Variants in AQP9 observed in about 807,000 individuals in gnomAD.
AQP9 encodes aquaporin 9.
A neutral mutation model predicts 23.8 loss-of-function variants in AQP9; 19 were observed. The observed-to-expected ratio is 0.80, with a 90% confidence interval of 0.56 to 1.17. AQP9 has a LOEUF of 1.17. AQP9 is among the 50% of genes most tolerant of loss of function. The pLI, the probability that AQP9 is intolerant of heterozygous loss-of-function variation, is 0.00. For missense variants in AQP9, 413 were observed against 362.0 expected (o/e 1.14, Z -1.14); for synonymous variants, 153 against 131.5 (o/e 1.16, Z -1.12).
rs149484555 is a variant in AQP9, at chr15:58,163,608, C to G, written c.112-3065C>G. 3.2e-3 allele frequency among the ~76,000 whole-genome samples: 492 copies of G among 152,174 alleles called. 9 individuals are homozygous for G. The highest frequency in any genetic ancestry group is 0.011 in the African/African-American group (461 of 41,522). ...TGTTGAGAAGAATCTGAATGGACGA[C>G]AGACCTAAAAATGCTTTCTAGATAG... is the stretch of plus-strand genomic sequence containing the variant. On this transcript the variant is annotated intron_variant, in intron 1 of 5. Transcript: ENST00000219919.
chr15:58,162,224 G>T (rs747140548), intron 1 of AQP9, among the ~76,000 whole-genome samples: 1 of 152,196 alleles, frequency 6.6e-6, no homozygotes, highest in Non-Finnish European at 1.5e-5. Flanking sequence ...GCTTACCCAA[G>T]TGAGACTCAC....
At chr15:58,152,716 T>C (rs1898174420) in intron 1 of AQP9, 1 of 152,138 alleles carries the variant, frequency 6.6e-6, no homozygotes. Context: ...TACGTAAAAA[T>C]ATCTATTGCA....
In AQP9 at chr15:58,185,014, T is replaced by G. The variant is rs972705998; in HGVS notation, c.*879T>G. 7 of 152,214 alleles carry G rather than the reference T, an allele frequency of 4.6e-5. No homozygotes were observed. Among genetic ancestry groups the G allele is most frequent in the African/African-American group, 1.7e-4 (7 of 41,460 alleles). The allele number at this position is 152,214 out of a possible 1,614,324, so 9.4% of individuals were successfully genotyped here. A position where few individuals can be genotyped will look rare whatever the true frequency, so the allele number is the denominator to read the frequency against. On this transcript the variant is annotated 3_prime_UTR_variant, in exon 6 of 6. Coordinates refer to ENST00000219919, the MANE Select transcript of AQP9 (RefSeq NM_020980.5). ...CTGTGCTTGTCCATTATTTTACACATGCCCTAGAAGCCAAAACTGAAAGCC... is the reference window on the plus strand; with the variant it reads ...CTGTGCTTGTCCATTATTTTACACAGGCCCTAGAAGCCAAAACTGAAAGCC...
intron 1 of AQP9, chr15:58,153,888 C>A (rs991907745): frequency 6.6e-6 from 1 of 152,142 alleles, no homozygotes; most frequent in South Asian, 2.1e-4. Context: ...GATAGGACAA[C>A]CTCGCTTCAC....
rs553703989 is a variant in AQP9 at position 58,144,543 on chromosome 15, T to C, written c.111+5867T>C. Among the ~76,000 whole-genome samples the C allele has an allele frequency of 3.4e-3, 521 of 152,340 alleles. 2 individuals carry two copies. Among genetic ancestry groups the C allele is most frequent in the African/African-American group, 0.012 (487 of 41,570 alleles). On this transcript the variant is annotated intron_variant, in intron 1 of 5. Transcript: ENST00000219919. ...TGAGAACATTGTTTGTTGTTGTTGT[T>C]GTCTTTCTACTTTTATTACCAAGGT...
intron 4 of AQP9, among the ~76,000 whole-genome samples, chr15:58,178,724 CAT>C (rs1429047491): frequency 1.3e-5 from 2 of 152,194 alleles, no homozygotes; most frequent in African/African-American, 4.8e-5. Flanking sequence ...TGATATCTCA[CAT>C]TGCTTTTCTC....
chr15:58,185,842 G>A lies in AQP9; in HGVS notation c.*1707G>A, dbSNP rs928347909. The A allele has an allele frequency of 1.3e-5, 2 of 152,140 alleles. No individual in the cohort carries two copies. The highest frequency in any genetic ancestry group is 4.8e-5 in the African/African-American group (2 of 41,432). The allele number at this position is 152,140 out of a possible 1,614,324, so 9.4% of individuals were successfully genotyped here. The stretch of plus-strand genomic sequence containing the variant: ...TGTTCTACAATCTATGGACATACGG[G>A]ATTTTTTTTTCTTGCTTTGAAGCTA... On this transcript the variant is annotated 3_prime_UTR_variant, in exon 6 of 6. Transcript: ENST00000219919.
intron 2 of AQP9, among the ~76,000 whole-genome samples, chr15:58,168,702 A>G (rs1330982322): frequency 6.6e-6 from 1 of 152,150 alleles, no homozygotes; most frequent in Non-Finnish European, 1.5e-5. Flanking sequence ...GTCTCCATTC[A>G]AACTTTTGTC....
At chr15:58,143,456 G>A (rs575768604) in intron 1 of AQP9, among the ~76,000 whole-genome samples, 2 of 152,270 alleles carry the variant, frequency 1.3e-5, no homozygotes, top group African/African-American at 4.8e-5. Flanking sequence ...TATAGATGAG[G>A]AAATTAGGAC....
At chr15:58,171,989 G>A (rs1898635726) in intron 2 of AQP9, among the ~76,000 whole-genome samples, 2 of 152,142 alleles carry the variant, frequency 1.3e-5, no homozygotes, top group African/African-American at 4.8e-5. Flanking sequence ...ATGAACATCT[G>A]TTTTCACTAG....
At chr15:58,159,098 C>G (rs1898320344) in intron 1 of AQP9, among the ~76,000 whole-genome samples, 1 of 152,210 alleles carries the variant, frequency 6.6e-6, no homozygotes, top group South Asian at 2.1e-4. Context: ...TATTCCCTCT[C>G]TCCGTTCCCG....
chr15:58,156,266 G>T (rs1321317561), intron 1 of AQP9, among the ~76,000 whole-genome samples: 2 of 152,128 alleles, frequency 1.3e-5, no homozygotes, highest in East Asian at 3.8e-4. Flanking sequence ...TAATACATTA[G>T]TGCTTTTATA....
At position 58,166,688 on chromosome 15, in the gene AQP9, T is replaced by C; in HGVS notation, c.127T>C (p.Cys43Arg). 6.2e-7 allele frequency: 1 copy of C among 1,611,018 alleles called. No homozygotes were observed. The highest frequency in any genetic ancestry group is 8.5e-7 in the Non-Finnish European group (1 of 1,178,428). ...CTCATTCCAGGTCCTTGGATGTGGC[T>C]GTGTTGCCCAAGCTATTCTCAGTCG... ...TFILIVLGCGCVAQAILSRGR... is the reference protein window; with the variant it reads ...TFILIVLGCGRVAQAILSRGR... The change falls in exon 2 of 6, where the codon TGT becomes CGT. Residue 43 changes from cysteine to arginine, a missense_variant. Coordinates refer to ENST00000219919, the MANE Select transcript of AQP9 (RefSeq NM_020980.5).
At chr15:58,155,904 T>C (rs1218446431) in intron 1 of AQP9, 1 of 152,186 alleles carries the variant, frequency 6.6e-6, no homozygotes, top group Non-Finnish European at 1.5e-5. Context: ...CAGCAAAGCA[T>C]AGTATTCCGT....
chr15:58,185,164 T>C lies in AQP9; in HGVS notation c.*1029T>C, dbSNP rs1054211885. The stretch of plus-strand genomic sequence containing the variant: ...TCTAATTTAATCCTCATAATGACTA[T>C]GTGAGGCAAATGCCACATTGCCCAT... On this transcript the variant is annotated 3_prime_UTR_variant, in exon 6 of 6. Coordinates refer to ENST00000219919, the MANE Select transcript of AQP9 (RefSeq NM_020980.5). The C allele has an allele frequency of 1.3e-5, 2 of 152,398 alleles. No individual in the cohort carries two copies. Among genetic ancestry groups the C allele is most frequent in the Non-Finnish European group, 2.9e-5 (2 of 68,046 alleles). The allele number at this position is 152,398 out of a possible 1,614,324, so 9.4% of individuals were successfully genotyped here. A position where few individuals can be genotyped will look rare whatever the true frequency, so the allele number is the denominator to read the frequency against.
Position 58,179,173 on chromosome 15 carries a change from G to A in AQP9, c.541G>A (p.Asp181Asn). 6.2e-7 allele frequency: 1 copy of A among 1,613,866 alleles called. No homozygotes were observed. Residue 181 changes from aspartate (D) to asparagine (N), a missense_variant, in exon 5 of 6, where the codon GAC becomes AAC. Asp to Asn is a conservative substitution (Grantham distance 23, BLOSUM62 1). Transcript: ENST00000219919. ...ILLIIVFAIFDSRNLGAPRGL... is the reference protein window; with the variant it reads ...ILLIIVFAIFNSRNLGAPRGL... Reference sequence around the variant, plus strand: ...CCTCATAATCGTCTTTGCCATCTTTGACTCCAGAAACTTGGGAGCCCCCAG... The same window carrying A: ...CCTCATAATCGTCTTTGCCATCTTTAACTCCAGAAACTTGGGAGCCCCCAG...
intron 3 of AQP9, among the ~76,000 whole-genome samples, chr15:58,173,846 A>C (rs566325849): frequency 3.3e-5 from 5 of 152,332 alleles, no homozygotes; most frequent in African/African-American, 1.2e-4. Flanking sequence ...AGGCCTTTCA[A>C]ACTAAAACAC....
At position 58,180,174 on chromosome 15, in the gene AQP9, C is replaced by T. The variant is rs571195278; in HGVS notation, c.713+829C>T. On this transcript the variant is annotated intron_variant, in intron 5 of 5. Coordinates refer to ENST00000219919, the MANE Select transcript of AQP9 (RefSeq NM_020980.5). ...AGTCACAGAGGCGCATCCTCATCCACCCATGGCAACTTCCTATGGGGAAGG... is the reference window on the plus strand; with the variant it reads ...AGTCACAGAGGCGCATCCTCATCCATCCATGGCAACTTCCTATGGGGAAGG... 2.0e-5 allele frequency among the ~76,000 whole-genome samples: 3 copies of T among 152,296 alleles called. No homozygotes were observed. The South Asian group carries it at 6.2e-4, about 32-fold the overall frequency.
intron 1 of AQP9, among the ~76,000 whole-genome samples, chr15:58,154,666 C>T (rs1486292578): frequency 2.0e-5 from 3 of 152,116 alleles, no homozygotes; most frequent in Admixed American, 1.3e-4. Flanking sequence ...CAATACTTGA[C>T]CCTCATGTTT....
Sources: allele counts gnomAD v4.1 joint callset (sites outside exome capture counted in the v4.1 genomes callset), GRCh38; gene constraint gnomAD v4.1.1; transcripts MANE v1.5; gene names NCBI Gene and HGNC (gene_info 2026-07-23, HGNC 2026-07-21).